The following CNTNAP2 variants were observed in gnomAD, a reference collection of about 807,000 sequenced individuals.
The protein encoded by CNTNAP2 is contactin associated protein 2.
A neutral mutation model predicts 155.2 loss-of-function variants in CNTNAP2; 98 were observed. The ratio of observed to expected loss-of-function variants is 0.63; its 90% CI spans 0.54 to 0.75. The LOEUF is 0.75. CNTNAP2 is among the 30% of genes least tolerant of loss of function. CNTNAP2 has a pLI of 0.00. For missense variants in CNTNAP2, 1,727 were observed against 1,688.1 expected, an observed-to-expected ratio of 1.02 and a Z score of -0.40; for synonymous variants, 651 against 631.2, an observed-to-expected ratio of 1.03 and a Z score of -0.47.
At chr7:148,078,960 A>G (rs1803547185) in intron 15 of CNTNAP2, among the ~76,000 whole-genome samples, 2 of 152,254 alleles carry the variant, frequency 1.3e-5, no homozygotes, top group Non-Finnish European at 2.9e-5. Context: ...TAGAAGGGAA[A>G]AATGAGGAAG....
chr7:146,358,818 G>A lies in CNTNAP2; in HGVS notation c.97+241845G>A, dbSNP rs77071068. On this transcript the variant is annotated intron_variant, in intron 1 of 23. Transcript: ENST00000361727. ...AGGTTAAGAAACAGAATCTACAAAT[G>A]AGAAAGAAAGCCAGTAGTTTATCCT... Among the ~76,000 whole-genome samples, 10 of 152,276 alleles carry A rather than the reference G, an allele frequency of 6.6e-5. No homozygotes were observed. In the East Asian group the frequency reaches 1.9e-3, roughly 29 times the overall value.
intron 18 of CNTNAP2, among the ~76,000 whole-genome samples, chr7:148,195,268 T>C (rs1269236842): frequency 2.6e-5 from 4 of 152,252 alleles, no homozygotes; most frequent in Admixed American, 2.6e-4. Context: ...AGTAGGTGTT[T>C]GGTAAGTATT....
At chr7:147,156,073 T>G (rs1400204447) in intron 8 of CNTNAP2, among the ~76,000 whole-genome samples, 1 of 152,124 alleles carries the variant, frequency 6.6e-6, no homozygotes, top group African/African-American at 2.4e-5. Flanking sequence ...CGCCTTACAG[T>G]CTTCCTCCAG....
In CNTNAP2 at chr7:146,676,180, T is replaced by C. The variant is rs370985060; in HGVS notation, c.98-98091T>C. Among the ~76,000 whole-genome samples, 111 of 152,338 alleles carry C rather than the reference T, an allele frequency of 7.3e-4. 2 individuals are homozygous for C. The East Asian group carries it at 0.016, about 22-fold the overall frequency. ...ATCATAAATCAGTTTGTTTATGATA[T>C]ACATGTTTTTCATGTAATTTAATGA... On this transcript the variant is annotated intron_variant, in intron 1 of 23. Coordinates refer to ENST00000361727, the MANE Select transcript of CNTNAP2 (RefSeq NM_014141.6).
rs116699069 is a variant in CNTNAP2 at position 146,617,235 on chromosome 7, A to G, written c.98-157036A>G. Among the ~76,000 whole-genome samples the G allele has an allele frequency of 6.5e-3, 990 of 152,360 alleles. 8 individuals carry two copies. The highest frequency in any genetic ancestry group is 0.023 in the African/African-American group (946 of 41,582). On this transcript the variant is annotated intron_variant, in intron 1 of 23. Coordinates refer to ENST00000361727, the MANE Select transcript of CNTNAP2 (RefSeq NM_014141.6). Reference sequence around the variant, plus strand: ...GAAAGTCATCTAGCTCTGGAGGACCAAAGTTTCTTTGTCTATAACATGAGC... The same window carrying G: ...GAAAGTCATCTAGCTCTGGAGGACCGAAGTTTCTTTGTCTATAACATGAGC...
At chr7:148,314,378 G>A (rs996404093) in intron 21 of CNTNAP2, among the ~76,000 whole-genome samples, 2 of 152,126 alleles carry the variant, frequency 1.3e-5, no homozygotes, top group Non-Finnish European at 1.5e-5. Context: ...GCCATTTTCT[G>A]GCTATTTGGA....
chr7:146,946,227 A>G (rs529129732), intron 3 of CNTNAP2, among the ~76,000 whole-genome samples: 1 of 151,938 alleles, frequency 6.6e-6, no homozygotes, highest in Admixed American at 6.6e-5. Context: ...ATCAGAAAAT[A>G]TCTGACTGCT....
chr7:146,246,198 A>T (rs1016044611), intron 1 of CNTNAP2, among the ~76,000 whole-genome samples: 5 of 151,356 alleles, frequency 3.3e-5, no homozygotes, highest in African/African-American at 1.2e-4. Flanking sequence ...TCGGTCGCCA[A>T]GGAGGGAGTA....
intron 3 of CNTNAP2, among the ~76,000 whole-genome samples, chr7:146,924,863 A>G (rs1474486566): frequency 6.6e-6 from 1 of 152,200 alleles, no homozygotes; most frequent in Non-Finnish European, 1.5e-5. Flanking sequence ...TTTGATTCAT[A>G]GAAGTTTCAA....
chr7:148,262,739 C>T (rs1796586694), intron 20 of CNTNAP2, among the ~76,000 whole-genome samples: 1 of 152,150 alleles, frequency 6.6e-6, no homozygotes, highest in Non-Finnish European at 1.5e-5. Flanking sequence ...AGGAAGGTGA[C>T]GCGCTCTCAG....
At chr7:146,540,981 A>G (rs1797944566) in intron 1 of CNTNAP2, among the ~76,000 whole-genome samples, 1 of 151,930 alleles carries the variant, frequency 6.6e-6, no homozygotes, top group African/African-American at 2.4e-5. Context: ...TATCATTTTT[A>G]TTTTTGATAG....
chr7:147,963,899 A>AT (rs1459829179), intron 14 of CNTNAP2, among the ~76,000 whole-genome samples: 7 of 151,988 alleles, frequency 4.6e-5, no homozygotes, highest in African/African-American at 1.7e-4. Context: ...ATTTATTACC[A>AT]TTTTTCAGAA....
chr7:147,117,720 T>G lies in CNTNAP2; in HGVS notation c.755-3259T>G, dbSNP rs115588995. Among the ~76,000 whole-genome samples, 1,407 of 152,282 alleles carry G rather than the reference T, an allele frequency of 9.2e-3. 25 individuals are homozygous for G. Among genetic ancestry groups the G allele is most frequent in the African/African-American group, 0.032 (1,339 of 41,556 alleles). ...GACTTGTATCTCATATATTAACTTTTATTACTTTGAAATTCAGTATTATAC... is the reference window on the plus strand; with the variant it reads ...GACTTGTATCTCATATATTAACTTTGATTACTTTGAAATTCAGTATTATAC... On this transcript the variant is annotated intron_variant, in intron 5 of 23. Coordinates refer to ENST00000361727, the MANE Select transcript of CNTNAP2 (RefSeq NM_014141.6).
intron 14 of CNTNAP2, among the ~76,000 whole-genome samples, chr7:147,927,956 T>G (rs769108480): frequency 2.0e-5 from 3 of 152,206 alleles, no homozygotes; most frequent in Non-Finnish European, 4.4e-5. Context: ...CATCTTGAAT[T>G]GTAGCTTCCA....
chr7:147,388,139 ATC>A (rs1491005731), intron 9 of CNTNAP2, among the ~76,000 whole-genome samples: 1 of 151,490 alleles, frequency 6.6e-6, no homozygotes, highest in Non-Finnish European at 1.5e-5. Context: ...GATATTCAAA[ATC>A]TCTTTTTGAT....
At chr7:147,184,506 G>T (rs1013227379) in intron 8 of CNTNAP2, among the ~76,000 whole-genome samples, 1 of 152,174 alleles carries the variant, frequency 6.6e-6, no homozygotes. Flanking sequence ...GATTCTTTAA[G>T]ACAGAGGCCA....
At chr7:147,999,330 C>A (rs1326101301) in intron 15 of CNTNAP2, among the ~76,000 whole-genome samples, 1 of 152,186 alleles carries the variant, frequency 6.6e-6, no homozygotes, top group African/African-American at 2.4e-5. Flanking sequence ...CCCACCTCGG[C>A]CTCCCAAAGT....
chr7:147,851,593 T>TA (rs532221997), intron 13 of CNTNAP2, among the ~76,000 whole-genome samples: 32 of 151,440 alleles, frequency 2.1e-4, no homozygotes, highest in Admixed American at 7.9e-4. Flanking sequence ...TATGCAGCCA[T>TA]AAAAAATGTC....
At chr7:147,343,900 G>T (rs1307905200) in intron 9 of CNTNAP2, among the ~76,000 whole-genome samples, 1 of 152,120 alleles carries the variant, frequency 6.6e-6, no homozygotes, top group African/African-American at 2.4e-5. Context: ...CAGATTTAAA[G>T]ATCAAGACCA....
Sources: gnomAD v4.1 joint callset for allele counts (sites outside exome capture counted in the v4.1 genomes callset) on GRCh38, gnomAD v4.1.1 for gene constraint, MANE v1.5 for transcripts, NCBI Gene and HGNC (gene_info 2026-07-23, HGNC 2026-07-21) for gene names.